PLCXD3: variants seen among roughly 807,000 people sequenced by gnomAD.
PLCXD3 encodes the protein PI-PLC X domain-containing protein 3.
Under a neutral mutation model 25.5 loss-of-function variants are expected in PLCXD3, and 19 were observed. That is an observed-to-expected ratio of 0.75 (90% confidence interval 0.52 to 1.09). The LOEUF is 1.09. Ranked by LOEUF, PLCXD3 falls within the 50% of genes least tolerant of loss-of-function variation. The pLI, the probability that PLCXD3 is intolerant of heterozygous loss-of-function variation, is 0.00. For missense variants in PLCXD3, 411 were observed against 388.1 expected (o/e 1.06, Z -0.50); for synonymous variants, 174 against 137.6 (o/e 1.26, Z -1.85).
intron 1 of PLCXD3, among the ~76,000 whole-genome samples, chr5:41,490,043 C>A (rs1158372926): frequency 6.6e-6 from 1 of 151,596 alleles, no homozygotes; most frequent in East Asian, 1.9e-4. Flanking sequence ...CCAGTTTTTG[C>A]CCATTCAGTA....
At position 41,406,088 on chromosome 5, in the gene PLCXD3, G is replaced by A. The variant is rs77532148; in HGVS notation, c.104-23554C>T. 3.7e-4 allele frequency among the ~76,000 whole-genome samples: 56 copies of A among 152,022 alleles called. No homozygotes were observed. The East Asian group carries it at 7.0e-3, about 19-fold the overall frequency. ...TTTGATACAGCTATGCTTCCTTCTC[G>A]AAATATTTTCCTCCTTTGGTTTTTG... On this transcript the variant is annotated intron_variant, in intron 1 of 2. Transcript: ENST00000377801.
At chr5:41,342,337 G>A (rs762572403) in intron 2 of PLCXD3, among the ~76,000 whole-genome samples, 1 of 152,126 alleles carries the variant, frequency 6.6e-6, no homozygotes, top group African/African-American at 2.4e-5. Flanking sequence ...GTATGTGAAA[G>A]GAGAGACTAA....
At chr5:41,426,576 T>C (rs1005046914) in intron 1 of PLCXD3, among the ~76,000 whole-genome samples, 11 of 151,994 alleles carry the variant, frequency 7.2e-5, no homozygotes, top group African/African-American at 2.7e-4. Flanking sequence ...TTTACCCTTT[T>C]CTTGAAAAAC....
intron 1 of PLCXD3, among the ~76,000 whole-genome samples, chr5:41,391,231 A>C (rs751939454): frequency 3.3e-5 from 5 of 152,186 alleles, no homozygotes; most frequent in Non-Finnish European, 7.3e-5. Context: ...ACATCATCCA[A>C]GGAAGCAAAA....
At chr5:41,422,158 C>T (rs1456171870) in intron 1 of PLCXD3, among the ~76,000 whole-genome samples, 1 of 152,184 alleles carries the variant, frequency 6.6e-6, no homozygotes, top group Non-Finnish European at 1.5e-5. Flanking sequence ...CTCCATATTT[C>T]TGAATTATTA....
At chr5:41,480,160 C>G (rs1941439340) in intron 1 of PLCXD3, among the ~76,000 whole-genome samples, 1 of 152,044 alleles carries the variant, frequency 6.6e-6, no homozygotes, top group Admixed American at 6.5e-5. Context: ...ATGATTTTTG[C>G]CCAAATATTA....
chr5:41,368,123 T>C (rs1262113156), intron 2 of PLCXD3, among the ~76,000 whole-genome samples: 1 of 152,210 alleles, frequency 6.6e-6, no homozygotes, highest in East Asian at 1.9e-4. Context: ...GTTTGTGTCA[T>C]CATTGATTTC....
At position 41,478,127 on chromosome 5, in the gene PLCXD3, G is replaced by A. The variant is rs373869420; in HGVS notation, c.103+32297C>T. On this transcript the variant is annotated intron_variant, in intron 1 of 2. Coordinates refer to ENST00000377801, the MANE Select transcript of PLCXD3 (RefSeq NM_001005473.3). ...TCTGTTTCAGAGATGACACTGCAGT[G>A]ACTTAACACTTTGCCTTTTAAGATG... is the stretch of plus-strand genomic sequence containing the variant. 2.0e-3 allele frequency among the ~76,000 whole-genome samples: 306 copies of A among 152,284 alleles called. 1 individual carries two copies. The highest frequency in any genetic ancestry group is 6.8e-3 in the African/African-American group (283 of 41,568).
At chr5:41,324,085 G>C (rs1743552784) in intron 2 of PLCXD3, among the ~76,000 whole-genome samples, 1 of 152,082 alleles carries the variant, frequency 6.6e-6, no homozygotes, top group Admixed American at 6.6e-5. Context: ...TTGAGGAGGA[G>C]GAAGAAAAGA....
intron 2 of PLCXD3, among the ~76,000 whole-genome samples, chr5:41,326,725 T>C (rs1743638518): frequency 6.6e-6 from 1 of 152,150 alleles, no homozygotes. Context: ...GTTTTATGCC[T>C]CTTAAGCATA....
At chr5:41,461,629 A>G (rs915186615) in intron 1 of PLCXD3, among the ~76,000 whole-genome samples, 9 of 152,000 alleles carry the variant, frequency 5.9e-5, no homozygotes, top group African/African-American at 2.2e-4. Context: ...GTGTCTGATC[A>G]TCTTTCAAAT....
chr5:41,443,429 T>C (rs1444464307), intron 1 of PLCXD3, among the ~76,000 whole-genome samples: 1 of 152,162 alleles, frequency 6.6e-6, no homozygotes, highest in African/African-American at 2.4e-5. Context: ...TAACAATGTA[T>C]TTCTCAGAAC....
At chr5:41,451,357 A>T (rs1022088304) in intron 1 of PLCXD3, among the ~76,000 whole-genome samples, 1 of 152,058 alleles carries the variant, frequency 6.6e-6, no homozygotes, top group African/African-American at 2.4e-5. Context: ...GGAATATTTT[A>T]AAAGATCTCT....
At chr5:41,461,877 T>C (rs2150517188) in intron 1 of PLCXD3, among the ~76,000 whole-genome samples, 1 of 152,120 alleles carries the variant, frequency 6.6e-6, no homozygotes, top group African/African-American at 2.4e-5. Context: ...TAGTCCTATA[T>C]TCCTATGTTT....
At chr5:41,505,369 A>G (rs1749033356) in intron 1 of PLCXD3, among the ~76,000 whole-genome samples, 1 of 152,220 alleles carries the variant, frequency 6.6e-6, no homozygotes, top group African/African-American at 2.4e-5. Context: ...TGTGACTTGC[A>G]AATACAAACA....
At chr5:41,482,342 G>C (rs1013543331) in intron 1 of PLCXD3, among the ~76,000 whole-genome samples, 2 of 152,160 alleles carry the variant, frequency 1.3e-5, no homozygotes, top group African/African-American at 4.8e-5. Context: ...TCCATGAAGA[G>C]AAATTGTCTT....
chr5:41,411,242 T>C (rs904696227), intron 1 of PLCXD3, among the ~76,000 whole-genome samples: 3 of 152,214 alleles, frequency 2.0e-5, no homozygotes, highest in African/African-American at 7.2e-5. Flanking sequence ...TCTTTTCCTT[T>C]TATGAATAAA....
At chr5:41,504,898 GAACTGAC>G in intron 1 of PLCXD3, among the ~76,000 whole-genome samples, 1 of 152,316 alleles carries the variant, frequency 6.6e-6, no homozygotes, top group South Asian at 2.1e-4. Flanking sequence ...AGGAGTTGAA[GAACTGAC>G]AGTTGCTATG....
rs556152585 is a variant in PLCXD3 at position 41,470,070 on chromosome 5, G to T, written c.103+40354C>A. On this transcript the variant is annotated intron_variant, in intron 1 of 2. Coordinates refer to ENST00000377801, the MANE Select transcript of PLCXD3 (RefSeq NM_001005473.3). ...ACCAGCAGCTCTGTCCAGTGATTTTGCCAGCTAAGGCATTATATAAAAACA... is the reference window on the plus strand; with the variant it reads ...ACCAGCAGCTCTGTCCAGTGATTTTTCCAGCTAAGGCATTATATAAAAACA... 2.6e-5 allele frequency among the ~76,000 whole-genome samples: 4 copies of T among 152,248 alleles called. No individual in the cohort carries two copies. In the South Asian group the frequency reaches 6.2e-4, roughly 24 times the overall value.
Sources: allele counts gnomAD v4.1 joint callset (sites outside exome capture counted in the v4.1 genomes callset), GRCh38; gene constraint gnomAD v4.1.1; transcripts MANE v1.5; gene names NCBI Gene and HGNC (gene_info 2026-07-23, HGNC 2026-07-21).